The following CYP4V2 variants were observed in gnomAD, a reference collection of about 807,000 sequenced individuals.
CYP4V2 encodes cytochrome P450 4V2.
A neutral mutation model predicts 60.8 loss-of-function variants in CYP4V2; 55 were observed. That is an observed-to-expected ratio of 0.90 (90% CI 0.73 to 1.13). The LOEUF is 1.13. Ranked by LOEUF, CYP4V2 falls within the 50% of genes most tolerant of loss-of-function variation. The pLI is 0.00. For missense variants in CYP4V2, 675 were observed against 662.9 expected (o/e 1.02, Z -0.20); for synonymous variants, 239 against 236.8 (o/e 1.01, Z -0.08).
In CYP4V2 at chr4:186,192,874, C is replaced by T. The variant is rs111662723; in HGVS notation, c.214+837C>T. On this transcript the variant is annotated intron_variant, in intron 1 of 10. Transcript: ENST00000378802. The stretch of plus-strand genomic sequence containing the variant: ...TTGGCCCAGACCAGAACCCAGTTTC[C>T]TCTGGGATTATTTGTTAGTAATCGT... Among the ~76,000 whole-genome samples, 55 of 151,938 alleles carry T rather than the reference C, an allele frequency of 3.6e-4. No homozygotes were observed. The South Asian group carries it at 8.8e-3, about 24-fold the overall frequency.
At position 186,195,695 on chromosome 4, in the gene CYP4V2, C is replaced by T. The variant is rs1402878020; in HGVS notation, c.328-308C>T. ...TGCCCACCCTCCAGATTCGCCTCCT[C>T]CCACCTCACTGTCCCCCTCCCCACA... is the stretch of plus-strand genomic sequence containing the variant. On this transcript the variant is annotated intron_variant, in intron 2 of 10. Transcript: ENST00000378802. The surrounding 1 kb of genome is among the most constrained non-coding windows in gnomAD (Gnocchi z 4.1). Among the ~76,000 whole-genome samples, 1 of 152,170 alleles carries T rather than the reference C, an allele frequency of 6.6e-6. No homozygotes were observed. The highest frequency in any genetic ancestry group is 2.4e-5 in the African/African-American group (1 of 41,436).
chr4:186,210,209 C>T (rs1462064396), intron 10 of CYP4V2, among the ~76,000 whole-genome samples: 3 of 152,148 alleles, frequency 2.0e-5, no homozygotes, highest in African/African-American at 4.8e-5. Flanking sequence ...TAGTGAGTCT[C>T]AAGCTTGAAG....
chr4:186,197,213 A>G, intron 4 of CYP4V2, 83 bp downstream of exon 4: 1 of 1,504,986 alleles, frequency 6.6e-7, no homozygotes, highest in Non-Finnish European at 9.2e-7. Flanking sequence ...CCGGGAAGGC[A>G]AATGGGGGGA....
Position 186,210,720 on chromosome 4 carries a change from A to G in CYP4V2, c.*79A>G, listed in dbSNP as rs1736689885. On this transcript the variant is annotated 3_prime_UTR_variant, in exon 11 of 11. Coordinates refer to ENST00000378802, the MANE Select transcript of CYP4V2 (RefSeq NM_207352.4). Reference sequence around the variant, plus strand: ...CCTTGTCATTTACAATTTACAGATCATGAGTTCAATATGCTTGAATCCCCT... The same window carrying G: ...CCTTGTCATTTACAATTTACAGATCGTGAGTTCAATATGCTTGAATCCCCT... The G allele has an allele frequency of 6.4e-7, 1 of 1,563,026 alleles. No individual in the cohort carries two copies. Among genetic ancestry groups the G allele is most frequent in the South Asian group, 1.1e-5 (1 of 87,766 alleles).
intron 1 of CYP4V2, 60 bp downstream of exon 1, chr4:186,192,097 G>A (rs1040774145): frequency 6.6e-7 from 1 of 1,524,998 alleles, no homozygotes; most frequent in Non-Finnish European, 8.8e-7. Flanking sequence ...CCCACCCTCC[G>A]ATCAGCCAGG....
Position 186,196,072 on chromosome 4 carries a change from C to T in CYP4V2, c.397C>T (p.Leu133=). 6.2e-7 allele frequency: 1 copy of T among 1,613,880 alleles called. No homozygotes were observed. The highest frequency in any genetic ancestry group is 8.5e-7 in the Non-Finnish European group (1 of 1,179,776). Residue 133 remains leucine (L), a synonymous_variant, in exon 3 of 11, where the codon CTA becomes TTA. Transcript: ENST00000378802. ...MYKFLEPWLG[L]GLLTSTGNKW... ...CAAGTTTTTAGAACCATGGCTTGGC[C>T]TAGGACTTCTTACAAGGTATGCCAG...
rs34331648 is a variant in CYP4V2 at position 186,197,566 on chromosome 4, G to A, written c.638G>A (p.Ser213Asn). 7,224 of 1,614,146 alleles carry A rather than the reference G, an allele frequency of 4.5e-3. 271 individuals are homozygous for A. In the African/African-American group the frequency reaches 0.086, roughly 19 times the overall value. Reference protein sequence around the residue: ...TAMGKNIGAQSNDDSEYVRAV... With the variant: ...TAMGKNIGAQNNDDSEYVRAV... ...ATGGGGAAGAATATTGGTGCTCAAA[G>A]TAATGATGATTCCGAGTATGTCCGT... The change falls in exon 5 of 11, where the codon AGT becomes AAT. Residue 213 changes from serine (S) to asparagine (N), a missense_variant. Physicochemically the swap from Ser to Asn is conservative, Grantham distance 46 (BLOSUM62 1). Transcript: ENST00000378802.
chr4:186,191,831 G>A lies in CYP4V2; in HGVS notation c.8G>A (p.Gly3Glu). The A allele has an allele frequency of 6.4e-7, 1 of 1,565,306 alleles. No individual in the cohort carries two copies. Among genetic ancestry groups the A allele is most frequent in the Middle Eastern group, 2.0e-4 (1 of 4,964 alleles). The part of the protein sequence containing the change: MA[G>E]LWLGLVWQKL... ...CGGCCGCCAGCCGGGGCGATGGCGG[G>A]GCTCTGGCTGGGGCTCGTGTGGCAG... Residue 3 changes from glycine to glutamate, a missense_variant, in exon 1 of 11, where the codon GGG becomes GAG. By Grantham distance (98) the Gly-to-Glu change is moderately conservative (BLOSUM62 -2). Coordinates refer to ENST00000378802, the MANE Select transcript of CYP4V2 (RefSeq NM_207352.4).
intron 8 of CYP4V2, 28 bp from the exon 9 acceptor site, chr4:186,208,837 G>A: frequency 6.2e-7 from 1 of 1,614,142 alleles, no homozygotes; most frequent in Non-Finnish European, 8.5e-7. Flanking sequence ...TGCTCTTTCA[G>A]GTCATCTTAT....
chr4:186,194,689 T>C, intron 2 of CYP4V2, 77 bp downstream of exon 2: 1 of 1,301,774 alleles, frequency 7.7e-7, no homozygotes, highest in South Asian at 1.2e-5. Flanking sequence ...CAATATAACG[T>C]GTCCTTATAT....
rs1027889042 is a variant in CYP4V2, at chr4:186,205,202, G to T, written c.990G>T (p.Gly330=). 3 of 1,614,142 alleles carry T rather than the reference G, an allele frequency of 1.9e-6. No homozygotes were observed. The highest frequency in any genetic ancestry group is 2.5e-6 in the Non-Finnish European group (3 of 1,179,960). The change falls in exon 8 of 11, where the codon GGG becomes GGT. Residue 330 remains glycine, a splice_region_variant and synonymous_variant. Transcript: ENST00000378802. The stretch of plus-strand genomic sequence containing the variant: ...GCTATTGTTTTCTGCATTTGTAGGG[G>T]CACGATACAACTGCAGCTGCAATAA... ...REEVDTFMFE[G]HDTTAAAINW...
chr4:186,210,667 C>T lies in CYP4V2; in HGVS notation c.*26C>T, dbSNP rs1736687568. 1 of 1,613,684 alleles carries T rather than the reference C, an allele frequency of 6.2e-7. No individual in the cohort carries two copies. The highest frequency in any genetic ancestry group is 8.5e-7 in the Non-Finnish European group (1 of 1,179,810). On this transcript the variant is annotated 3_prime_UTR_variant, in exon 11 of 11. Coordinates refer to ENST00000378802, the MANE Select transcript of CYP4V2 (RefSeq NM_207352.4). The stretch of plus-strand genomic sequence containing the variant: ...CTATATTATTGGGTTGTGCCTTTAT[C>T]ATGAGAAAGGTCTTTATTTTAAGAG...
chr4:186,191,837 G>T lies in CYP4V2; in HGVS notation c.14G>T (p.Trp5Leu). Residue 5 changes from tryptophan to leucine, a missense_variant, in exon 1 of 11, where the codon TGG (tryptophan) becomes TTG (leucine). By Grantham distance (61) the Trp-to-Leu change is moderately conservative (BLOSUM62 -2). Coordinates refer to ENST00000378802, the MANE Select transcript of CYP4V2 (RefSeq NM_207352.4). MAGLWLGLVWQKLLL... is the reference protein window; with the variant it reads MAGLLLGLVWQKLLL... ...CCAGCCGGGGCGATGGCGGGGCTCTGGCTGGGGCTCGTGTGGCAGAAGCTG... is the reference window on the plus strand; with the variant it reads ...CCAGCCGGGGCGATGGCGGGGCTCTTGCTGGGGCTCGTGTGGCAGAAGCTG... The T allele has an allele frequency of 6.4e-7, 1 of 1,573,976 alleles. No individual in the cohort carries two copies.
chr4:186,210,814 G>A lies in CYP4V2; in HGVS notation c.*173G>A, dbSNP rs1160658042. On this transcript the variant is annotated 3_prime_UTR_variant, in exon 11 of 11. Coordinates refer to ENST00000378802, the MANE Select transcript of CYP4V2 (RefSeq NM_207352.4). ...TAACAAAGAAAAAGTTTTGAGTTTT[G>A]TATTTTCTTTTTTCTTTTTTCTTTA... The A allele has an allele frequency of 2.6e-6, 2 of 779,870 alleles. No individual in the cohort carries two copies. The highest frequency in any genetic ancestry group is 3.7e-5 in the South Asian group (2 of 54,068). 48.3% of individuals were successfully genotyped at this position (779,870 alleles called of 1,614,324 possible).
At chr4:186,210,342 C>A (rs920708285) in intron 10 of CYP4V2, 127 bp from the exon 11 acceptor site, 1 of 1,167,236 alleles carries the variant, frequency 8.6e-7, no homozygotes, top group African/African-American at 1.5e-5. Flanking sequence ...GTGTTCCAAG[C>A]CATTCTGGTT....
intron 8 of CYP4V2, among the ~76,000 whole-genome samples, chr4:186,208,647 A>C (rs1736604607): frequency 6.6e-6 from 1 of 151,190 alleles, no homozygotes; most frequent in African/African-American, 2.4e-5. Flanking sequence ...AGGGTATTTG[A>C]TGGGTATTTA....
chr4:186,205,517 G>C (rs766166235), intron 8 of CYP4V2, among the ~76,000 whole-genome samples: 1 of 152,196 alleles, frequency 6.6e-6, no homozygotes, highest in Non-Finnish European at 1.5e-5. Flanking sequence ...GCACTGATGC[G>C]TGCTGCTGTC....
Position 186,191,783 on chromosome 4 carries a change from G to C in CYP4V2, c.-41G>C. The C allele has an allele frequency of 6.9e-7, 1 of 1,458,486 alleles. No individual in the cohort carries two copies. The highest frequency in any genetic ancestry group is 2.4e-5 in the Admixed American group (1 of 41,862). 90.3% of individuals were successfully genotyped at this position (1,458,486 alleles called of 1,614,324 possible). A position where few individuals can be genotyped will look rare whatever the true frequency, so the allele number is the denominator to read the frequency against. ...CCTCGCACCACGCCCCCGCGGGCCC[G>C]CACTTTCCCGGAGTGCACCCCGCGG... On this transcript the variant is annotated 5_prime_UTR_variant, in exon 1 of 11. Transcript: ENST00000378802.
chr4:186,191,890 T>C lies in CYP4V2; in HGVS notation c.67T>C (p.Ser23Pro). ...LLLWGAASAL[S>P]LAGASLVLSL... Reference sequence around the variant, plus strand: ...GCTGTGGGGCGCGGCGAGTGCCCTTTCCCTGGCCGGCGCCAGTCTGGTCCT... The same window carrying C: ...GCTGTGGGGCGCGGCGAGTGCCCTTCCCCTGGCCGGCGCCAGTCTGGTCCT... The change falls in exon 1 of 11, where the codon TCC (serine) becomes CCC (proline). Residue 23 changes from serine (S) to proline (P), a missense_variant. By Grantham distance (74) the Ser-to-Pro change is moderately conservative (BLOSUM62 -1). Coordinates refer to ENST00000378802, the MANE Select transcript of CYP4V2 (RefSeq NM_207352.4). 1 of 1,591,164 alleles carries C rather than the reference T, an allele frequency of 6.3e-7. No individual in the cohort carries two copies.
Sources: allele counts gnomAD v4.1 joint callset (sites outside exome capture counted in the v4.1 genomes callset), GRCh38; gene constraint gnomAD v4.1.1; non-coding constraint Gnocchi (gnomAD v3.1); transcripts MANE v1.5; gene names NCBI Gene and HGNC (gene_info 2026-07-23, HGNC 2026-07-21).